The following UBE2W variants were observed in gnomAD, a reference collection of about 807,000 sequenced individuals.
The protein encoded by UBE2W is ubiquitin conjugating enzyme E2 W, also known as ubiquitin-conjugating enzyme E2 W.
Under a neutral mutation model 27.2 loss-of-function variants are expected in UBE2W, and 18 were observed. The observed-to-expected ratio is 0.66, with a 90% confidence interval of 0.46 to 0.98. The LOEUF (loss-of-function observed/expected upper bound fraction) is 0.98, where lower values mean the gene tolerates loss of function less well. Ranked by LOEUF, UBE2W falls within the 50% of genes least tolerant of loss-of-function variation. The probability of loss-of-function intolerance (pLI) is 0.00; values close to 1 mark genes in which losing one functional copy is unlikely to be tolerated. For synonymous variants in UBE2W, 53 were observed against 57.2 expected, an observed-to-expected ratio of 0.93 and a Z score of 0.33; for missense variants, 90 against 180.2, an observed-to-expected ratio of 0.50 and a Z score of 2.87.
intron 5 of UBE2W, chr8:73,796,593 A>G: frequency 1.0e-6 from 1 of 952,924 alleles, no homozygotes; most frequent in Non-Finnish European, 1.2e-6. Flanking sequence ...TCTGACTGAT[A>G]TGATACTACC....
chr8:73,788,229 A>C lies in UBE2W; in HGVS notation c.*5873T>G, dbSNP rs1808044661. ...TGATACATGTATTAAAAAATATATA[A>C]CATAGATTTGTCTGTTTTAACATTT... On this transcript the variant is annotated 3_prime_UTR_variant, in exon 6 of 6. Coordinates refer to ENST00000602593, the MANE Select transcript of UBE2W (RefSeq NM_018299.6). 9.6e-6 allele frequency: 9 copies of C among 941,802 alleles called. No individual in the cohort carries two copies. The highest frequency in any genetic ancestry group is 1.1e-5 in the Non-Finnish European group (9 of 790,532). The allele number at this position is 941,802 out of a possible 1,614,324, so 58.3% of individuals were successfully genotyped here.
chr8:73,787,251 C>T lies in UBE2W; in HGVS notation c.*6851G>A, dbSNP rs1807993673. 1.0e-6 allele frequency: 1 copy of T among 985,302 alleles called. No individual in the cohort carries two copies. The highest frequency in any genetic ancestry group is 1.7e-5 in the African/African-American group (1 of 57,238). The allele number at this position is 985,302 out of a possible 1,614,324, so 61.0% of individuals were successfully genotyped here. ...TTGTCCAAGTACACAAAACTCTTAG[C>T]TGTCTCACTTGCTTCTTCAATTTAG... On this transcript the variant is annotated 3_prime_UTR_variant, in exon 6 of 6. Coordinates refer to ENST00000602593, the MANE Select transcript of UBE2W (RefSeq NM_018299.6).
At chr8:73,825,476 CA>C (rs1443380791) in intron 2 of UBE2W, among the ~76,000 whole-genome samples, 1 of 152,102 alleles carries the variant, frequency 6.6e-6, no homozygotes, top group Non-Finnish European at 1.5e-5. Context: ...AGACAGCTAG[CA>C]AAAGACAGAG....
intron 1 of UBE2W, among the ~76,000 whole-genome samples, chr8:73,844,276 TGCCTGGGATTGCAGGCGC>T (rs1440790895): frequency 6.6e-6 from 1 of 150,958 alleles, no homozygotes; most frequent in Non-Finnish European, 1.5e-5. Flanking sequence ...AGCCTGCCAG[TGCCTGGGATTGCAGGCGC>T]GCGCCGCCAC....
chr8:73,855,394 C>CTTTTTTTTTTTTT (rs66577299), intron 1 of UBE2W, among the ~76,000 whole-genome samples: 3 of 84,710 alleles, frequency 3.5e-5, no homozygotes, highest in African/African-American at 1.0e-4. Context: ...ATTCTACTTT[C>CTTTTTTTTTTTTT]TTTTTTTTTT....
At chr8:73,878,083 G>T (rs538746317) in intron 1 of UBE2W, among the ~76,000 whole-genome samples, 2 of 152,204 alleles carry the variant, frequency 1.3e-5, no homozygotes, top group Non-Finnish European at 2.9e-5. Context: ...AAGCTATCCC[G>T]AGAGGTTTAA....
intron 1 of UBE2W, among the ~76,000 whole-genome samples, chr8:73,842,528 CAAAAAAAAA>C (rs759063478): frequency 8.8e-3 from 85 of 9,674 alleles, no homozygotes; most frequent in African/African-American, 0.023. Flanking sequence ...GACTCCGTCT[CAAAAAAAAA>C]AAAAAAAAAA....
chr8:73,869,300 G>A (rs1232684633), intron 1 of UBE2W, among the ~76,000 whole-genome samples: 1 of 152,188 alleles, frequency 6.6e-6, no homozygotes, highest in African/African-American at 2.4e-5. Context: ...GCTCATGCCT[G>A]TAATCCCAGC....
At chr8:73,863,631 G>A (rs1162128059) in intron 1 of UBE2W, among the ~76,000 whole-genome samples, 2 of 151,776 alleles carry the variant, frequency 1.3e-5, no homozygotes, top group Non-Finnish European at 2.9e-5. Flanking sequence ...TGTGGTGAGT[G>A]CCTGTAATCC....
chr8:73,804,200 A>ACTGGATAGAAGATCTTCTATCTT (rs1179288335), intron 5 of UBE2W, among the ~76,000 whole-genome samples: 1 of 151,936 alleles, frequency 6.6e-6, no homozygotes, highest in Non-Finnish European at 1.5e-5. Context: ...AGAAGGCTTC[A>ACTGGATAGAAGATCTTCTATCTT]CACTGGATAG....
intron 1 of UBE2W, among the ~76,000 whole-genome samples, chr8:73,841,610 T>G (rs1334064448): frequency 6.6e-6 from 1 of 152,210 alleles, no homozygotes; most frequent in Non-Finnish European, 1.5e-5. Flanking sequence ...AAACCAGGAC[T>G]GTGGTATGCA....
At chr8:73,794,181 G>A in intron 5 of UBE2W, 66 bp from the exon 6 acceptor site, 1 of 1,553,988 alleles carries the variant, frequency 6.4e-7, no homozygotes, top group Non-Finnish European at 8.8e-7. Context: ...CTACAAGTCT[G>A]TTTAATGTAG....
chr8:73,873,600 G>A lies in UBE2W; in HGVS notation c.15+5208C>T, dbSNP rs548010054. 7.2e-5 allele frequency among the ~76,000 whole-genome samples: 11 copies of A among 152,290 alleles called. No individual in the cohort carries two copies. In the South Asian group the frequency reaches 2.1e-3, roughly 29 times the overall value. On this transcript the variant is annotated intron_variant, in intron 1 of 5. Coordinates refer to ENST00000602593, the MANE Select transcript of UBE2W (RefSeq NM_018299.6). Reference sequence around the variant, plus strand: ...GAGCCTGGGAGGACAAGGGTGCAGTGAGCCAAGACCACGTCACTGCACTCT... The same window carrying A: ...GAGCCTGGGAGGACAAGGGTGCAGTAAGCCAAGACCACGTCACTGCACTCT...
intron 3 of UBE2W, among the ~76,000 whole-genome samples, chr8:73,823,218 T>C (rs1809696460): frequency 6.6e-6 from 1 of 152,066 alleles, no homozygotes; most frequent in South Asian, 2.1e-4. Context: ...GAATTTGAAA[T>C]AGGACAATAG....
At chr8:73,849,832 A>G (rs1810998297) in intron 1 of UBE2W, among the ~76,000 whole-genome samples, 1 of 152,124 alleles carries the variant, frequency 6.6e-6, no homozygotes. Flanking sequence ...AGGATAGAAA[A>G]AAGATACTAG....
chr8:73,798,221 CG>C (rs925144876), intron 5 of UBE2W, among the ~76,000 whole-genome samples: 2 of 151,952 alleles, frequency 1.3e-5, no homozygotes, highest in Non-Finnish European at 2.9e-5. Flanking sequence ...CACCTGAGCC[CG>C]GGAAGTTGAG....
At chr8:73,825,798 CAAAAT>C (rs1476274021) in intron 2 of UBE2W, among the ~76,000 whole-genome samples, 1 of 152,146 alleles carries the variant, frequency 6.6e-6, no homozygotes, top group African/African-American at 2.4e-5. Flanking sequence ...AAGACTGTCT[CAAAAT>C]AAACAAACAA....
At chr8:73,851,965 A>T (rs56827248) in intron 1 of UBE2W, among the ~76,000 whole-genome samples, 303 of 131,428 alleles carry the variant, frequency 2.3e-3, no homozygotes, top group African/African-American at 8.4e-3. Flanking sequence ...TTTTTTTTTA[A>T]AAAAAAAAAA....
At chr8:73,807,051 C>A (rs941887544) in intron 4 of UBE2W, among the ~76,000 whole-genome samples, 1 of 151,998 alleles carries the variant, frequency 6.6e-6, no homozygotes, top group Admixed American at 6.6e-5. Flanking sequence ...ACTGCCTAGA[C>A]AAAAGAAAAT....
Sources: gnomAD v4.1 joint callset for allele counts (sites outside exome capture counted in the v4.1 genomes callset) on GRCh38, gnomAD v4.1.1 for gene constraint, MANE v1.5 for transcripts, NCBI Gene and HGNC (gene_info 2026-07-23, HGNC 2026-07-21) for gene names.